The following NEGR1 variants were observed in gnomAD, a reference collection of about 807,000 sequenced individuals.
NEGR1 encodes IgLON family member 4.
A neutral mutation model predicts 40.9 loss-of-function variants in NEGR1; 10 were observed. The ratio of observed to expected loss-of-function variants is 0.24; its 90% CI spans 0.15 to 0.42. The LOEUF is 0.42. Ranked by LOEUF, NEGR1 falls within the 10% of genes least tolerant of loss-of-function variation. NEGR1 has a pLI of 1.00. For synonymous variants in NEGR1, 185 were observed against 166.8 expected, an observed-to-expected ratio of 1.11 and a Z score of -0.84; for missense variants, 352 against 438.9, an observed-to-expected ratio of 0.80 and a Z score of 1.77.
intron 5 of NEGR1, among the ~76,000 whole-genome samples, chr1:71,597,412 T>TATATATATA (rs1553152605): frequency 8.3e-6 from 1 of 120,538 alleles, no homozygotes; most frequent in African/African-American, 3.4e-5. Flanking sequence ...GGAGTTTTAT[T>TATATATATA]TATATATATA....
intron 4 of NEGR1, among the ~76,000 whole-genome samples, chr1:71,688,868 C>T (rs1025901649): frequency 3.9e-5 from 6 of 152,084 alleles, no homozygotes; most frequent in African/African-American, 1.4e-4. Context: ...AGCTCACAAC[C>T]AATCTTTAAG....
chr1:71,710,928 G>GGATA (rs1654059587), intron 3 of NEGR1, among the ~76,000 whole-genome samples: 1 of 151,994 alleles, frequency 6.6e-6, no homozygotes, highest in Non-Finnish European at 1.5e-5. Context: ...TTGAAGGGAT[G>GGATA]GATACCCCAT....
chr1:71,532,531 T>A (rs113658292), intron 6 of NEGR1, among the ~76,000 whole-genome samples: 184 of 151,756 alleles, frequency 1.2e-3, no homozygotes, highest in African/African-American at 4.2e-3. Context: ...AATAGTTTTT[T>A]AATAGCTACT....
chr1:71,569,037 T>G (rs998939694), intron 6 of NEGR1, among the ~76,000 whole-genome samples: 2 of 151,742 alleles, frequency 1.3e-5, no homozygotes, highest in East Asian at 3.9e-4. Context: ...CTGCCTCAGC[T>G]TCCCGAGTAG....
At chr1:72,015,573 G>C (rs779204437) in intron 1 of NEGR1, among the ~76,000 whole-genome samples, 4 of 152,104 alleles carry the variant, frequency 2.6e-5, no homozygotes, top group Non-Finnish European at 5.9e-5. Flanking sequence ...GGGAGGCCAA[G>C]GCAGGAGGAT....
intron 2 of NEGR1, among the ~76,000 whole-genome samples, chr1:71,822,757 C>T (rs1658477336): frequency 6.6e-6 from 1 of 151,970 alleles, no homozygotes. Flanking sequence ...CTATTAAAGG[C>T]TCACAGCGTG....
intron 2 of NEGR1, among the ~76,000 whole-genome samples, chr1:71,809,965 A>T (rs1026900880): frequency 4.6e-5 from 7 of 152,126 alleles, no homozygotes; most frequent in South Asian, 4.1e-4. Flanking sequence ...GACAAATGGT[A>T]ATTGTCTCTT....
At chr1:72,117,862 C>T (rs1649640694) in intron 1 of NEGR1, among the ~76,000 whole-genome samples, 1 of 151,694 alleles carries the variant, frequency 6.6e-6, no homozygotes, top group Non-Finnish European at 1.5e-5. Context: ...CTAGAAACTG[C>T]AGCCAAATGT....
chr1:71,663,237 G>A (rs1030998609), intron 4 of NEGR1, among the ~76,000 whole-genome samples: 1 of 152,128 alleles, frequency 6.6e-6, no homozygotes, highest in Non-Finnish European at 1.5e-5. Flanking sequence ...GATTACAGGC[G>A]TGAGCCACCA....
At chr1:71,871,991 C>G (rs1212612750) in intron 2 of NEGR1, among the ~76,000 whole-genome samples, 1 of 152,100 alleles carries the variant, frequency 6.6e-6, no homozygotes, top group African/African-American at 2.4e-5. Flanking sequence ...TTCAGCAGAC[C>G]AACCTTGGAC....
Position 71,407,357 on chromosome 1 carries a change from C to T in NEGR1, c.*89G>A. On this transcript the variant is annotated 3_prime_UTR_variant, in exon 7 of 7. Transcript: ENST00000357731. ...CCATGTAAGCACTGCTGATTATATC[C>T]CACGCTGCTTTTAACAAACTGTACC... 2 of 1,235,658 alleles carry T rather than the reference C, an allele frequency of 1.6e-6. No homozygotes were observed. Among genetic ancestry groups the T allele is most frequent in the Non-Finnish European group, 2.3e-6 (2 of 863,426 alleles). 76.5% of individuals were successfully genotyped at this position (1,235,658 alleles called of 1,614,324 possible). A position where few individuals can be genotyped will look rare whatever the true frequency, so the allele number is the denominator to read the frequency against.
chr1:71,907,944 T>C (rs1661322493), intron 2 of NEGR1, among the ~76,000 whole-genome samples: 1 of 152,050 alleles, frequency 6.6e-6, no homozygotes, highest in South Asian at 2.1e-4. Flanking sequence ...AAGTGGGAGC[T>C]AAATATTTGG....
intron 6 of NEGR1, among the ~76,000 whole-genome samples, chr1:71,434,805 G>C (rs369072221): frequency 6.4e-4 from 97 of 152,258 alleles, no homozygotes; most frequent in African/African-American, 2.2e-3. Context: ...AAAAAACAAG[G>C]GGGAGGCCGG....
rs538401394 is a variant in NEGR1 at position 71,849,650 on chromosome 1, T to C, written c.410-73353A>G. On this transcript the variant is annotated intron_variant, in intron 2 of 6. Transcript: ENST00000357731. The stretch of plus-strand genomic sequence containing the variant: ...GCATTGAATACTATAGAGAAATATG[T>C]TGTGAAAGGAGGAAGGGTCAATCTA... Among the ~76,000 whole-genome samples, 17 of 152,226 alleles carry C rather than the reference T, an allele frequency of 1.1e-4. No individual in the cohort carries two copies. In the South Asian group the frequency reaches 3.3e-3, roughly 30 times the overall value.
At chr1:72,272,153 T>TA (rs1391821104) in intron 1 of NEGR1, among the ~76,000 whole-genome samples, 1 of 151,892 alleles carries the variant, frequency 6.6e-6, no homozygotes, top group Non-Finnish European at 1.5e-5. Context: ...TTTCTGGGCT[T>TA]AATTCTATGT....
intron 1 of NEGR1, among the ~76,000 whole-genome samples, chr1:72,089,547 GTTAATTT>G (rs2100541870): frequency 6.6e-6 from 1 of 152,216 alleles, no homozygotes; most frequent in South Asian, 2.1e-4. Context: ...AGAAAAAAGA[GTTAATTT>G]TTAAATTTGT....
intron 1 of NEGR1, among the ~76,000 whole-genome samples, chr1:72,071,214 T>C (rs1165761226): frequency 6.6e-6 from 1 of 152,058 alleles, no homozygotes; most frequent in Non-Finnish European, 1.5e-5. Flanking sequence ...TTGAATATTC[T>C]ATTAGACTAA....
intron 2 of NEGR1, among the ~76,000 whole-genome samples, chr1:71,906,848 A>T (rs1446559680): frequency 6.6e-6 from 1 of 152,154 alleles, no homozygotes; most frequent in Non-Finnish European, 1.5e-5. Context: ...GCTGGCTCTT[A>T]GCTATACCTA....
At chr1:72,166,745 C>T (rs150546066) in intron 1 of NEGR1, among the ~76,000 whole-genome samples, 44 of 152,088 alleles carry the variant, frequency 2.9e-4, no homozygotes, top group Middle Eastern at 6.8e-3. Flanking sequence ...ATTATGGTTA[C>T]CAGAGGCCAG....
Sources: allele counts gnomAD v4.1 joint callset (sites outside exome capture counted in the v4.1 genomes callset), GRCh38; gene constraint gnomAD v4.1.1; transcripts MANE v1.5; gene names NCBI Gene and HGNC (gene_info 2026-07-23, HGNC 2026-07-21).